FLI1: variants seen among roughly 807,000 people sequenced by gnomAD.
FLI1 encodes Fli-1 proto-oncogene, ETS transcription factor, also known as Friend leukemia integration 1 transcription factor.
FLI1 carries 13 observed loss-of-function variants against 53.1 expected under a neutral mutation model. The observed-to-expected ratio is 0.24, with a 90% CI of 0.16 to 0.39. The LOEUF (loss-of-function observed/expected upper bound fraction) is 0.39, where lower values mean the gene tolerates loss of function less well. FLI1 is among the 10% of genes least tolerant of loss of function. The probability of loss-of-function intolerance (pLI) is 1.00; values close to 1 mark genes in which losing one functional copy is unlikely to be tolerated. For synonymous variants in FLI1, 244 were observed against 236.7 expected, an observed-to-expected ratio of 1.03 and a Z score of -0.28; for missense variants, 424 against 600.5, an observed-to-expected ratio of 0.71 and a Z score of 3.07.
chr11:128,782,066 A>G, intron 5 of FLI1, 43 bp downstream of exon 5: 3 of 1,484,154 alleles, frequency 2.0e-6, no homozygotes, highest in Non-Finnish European at 2.8e-6. Context: ...CTTCTGTACC[A>G]GACATGACAC....
chr11:128,698,020 C>G (rs1292778492), intron 1 of FLI1, among the ~76,000 whole-genome samples: 1 of 87,618 alleles, frequency 1.1e-5, no homozygotes, highest in Non-Finnish European at 2.4e-5. Context: ...CAGAGGCACT[C>G]TCTCGTCATT....
intron 1 of FLI1, among the ~76,000 whole-genome samples, chr11:128,715,987 C>G (rs1938994185): frequency 6.6e-6 from 1 of 152,202 alleles, no homozygotes; most frequent in Non-Finnish European, 1.5e-5. Context: ...GGGAGAGCTG[C>G]CAAGCTGCCT....
At chr11:128,777,658 T>C (rs1941778109) in intron 4 of FLI1, among the ~76,000 whole-genome samples, 1 of 152,202 alleles carries the variant, frequency 6.6e-6, no homozygotes, top group Non-Finnish European at 1.5e-5. Context: ...AGGATTGTTG[T>C]TTAAAGATCC....
chr11:128,731,897 G>A lies in FLI1; in HGVS notation c.19-26218G>A, dbSNP rs186993057. Among the ~76,000 whole-genome samples the A allele has an allele frequency of 4.6e-3, 696 of 152,192 alleles. 13 individuals are homozygous for A. The highest frequency in any genetic ancestry group is 0.016 in the African/African-American group (655 of 41,512). ...ACACGCCTGTAATTCCAGCCACTTC[G>A]GAGGCTGAGGCAGGAGAATCACTTC... On this transcript the variant is annotated intron_variant, in intron 1 of 8. Transcript: ENST00000527786.
chr11:128,776,309 C>G (rs1375738727), intron 4 of FLI1, among the ~76,000 whole-genome samples: 1 of 151,980 alleles, frequency 6.6e-6, no homozygotes, highest in African/African-American at 2.4e-5. Flanking sequence ...ACAGGAAATG[C>G]AAGGAGGACT....
chr11:128,737,561 T>G (rs1455021016), intron 1 of FLI1, among the ~76,000 whole-genome samples: 1 of 152,250 alleles, frequency 6.6e-6, no homozygotes, highest in African/African-American at 2.4e-5. Flanking sequence ...CTTTAAAAAT[T>G]TATTTTAAAT....
chr11:128,712,193 G>GT (rs1938807629), intron 1 of FLI1, among the ~76,000 whole-genome samples: 1 of 152,166 alleles, frequency 6.6e-6, no homozygotes, highest in Admixed American at 6.5e-5. Flanking sequence ...AGATCTGGTT[G>GT]TTAAAAGAGT....
chr11:128,685,350 C>T (rs12293562), upstream of FLI1, among the ~76,000 whole-genome samples: 4 of 152,214 alleles, frequency 2.6e-5, no homozygotes, highest in African/African-American at 9.6e-5. Flanking sequence ...CTCCTGCGGG[C>T]TTAGCAGGAA....
intron 2 of FLI1, among the ~76,000 whole-genome samples, chr11:128,759,833 A>T (rs1320832648): frequency 6.6e-6 from 1 of 152,224 alleles, no homozygotes; most frequent in African/African-American, 2.4e-5. Flanking sequence ...TTTGGGCATC[A>T]TCTCTAAGGA....
At chr11:128,762,375 T>C (rs1409023291) in intron 2 of FLI1, among the ~76,000 whole-genome samples, 1 of 152,228 alleles carries the variant, frequency 6.6e-6, no homozygotes, top group Non-Finnish European at 1.5e-5. Context: ...GCTTGGCTCA[T>C]GGGCTAGACC....
At chr11:128,769,617 C>A (rs947046334) in intron 3 of FLI1, among the ~76,000 whole-genome samples, 2 of 152,096 alleles carry the variant, frequency 1.3e-5, no homozygotes, top group Non-Finnish European at 2.9e-5. Flanking sequence ...AGGCAGCAGA[C>A]GGGTGGGGCT....
At chr11:128,779,144 T>C (rs1941833905) in intron 4 of FLI1, among the ~76,000 whole-genome samples, 1 of 152,248 alleles carries the variant, frequency 6.6e-6, no homozygotes, top group Non-Finnish European at 1.5e-5. Flanking sequence ...GTGGAATTCA[T>C]GTGTGCCCAA....
At chr11:128,749,083 C>A (rs1940534242) in intron 1 of FLI1, among the ~76,000 whole-genome samples, 1 of 152,078 alleles carries the variant, frequency 6.6e-6, no homozygotes, top group South Asian at 2.1e-4. Flanking sequence ...GATCGATTCC[C>A]CCCTCACTGT....
intron 1 of FLI1, among the ~76,000 whole-genome samples, chr11:128,713,541 T>C (rs1210963711): frequency 6.6e-6 from 1 of 152,080 alleles, no homozygotes; most frequent in Non-Finnish European, 1.5e-5. Flanking sequence ...GAGCTGCTTC[T>C]ATGTGCCAGG....
Position 128,807,018 on chromosome 11 carries a change from A to G in FLI1, c.722-162A>G, listed in dbSNP as rs2071618. The G allele has an allele frequency of 0.11, 46,922 of 418,254 alleles. 2,785 individuals carry two copies. Among genetic ancestry groups the G allele is most frequent in the South Asian group, 0.14 (1,800 of 12,614 alleles). 25.9% of individuals were successfully genotyped at this position (418,254 alleles called of 1,614,324 possible). A position where few individuals can be genotyped will look rare whatever the true frequency, so the allele number is the denominator to read the frequency against. ...AATCTCCAGCCTGGAGAACAGGGCC[A>G]GCACATAGTAGATTCTAGGTAAATG... On this transcript the variant is annotated intron_variant, in intron 6 of 8. Coordinates refer to ENST00000527786, the MANE Select transcript of FLI1 (RefSeq NM_002017.5).
intron 8 of FLI1, 82 bp downstream of exon 8, chr11:128,809,286 C>G (rs1249988977): frequency 5.0e-6 from 6 of 1,188,664 alleles, no homozygotes; most frequent in Non-Finnish European, 7.6e-6. Context: ...TGTCCTAAGT[C>G]CAGACACCTG....
intron 2 of FLI1, among the ~76,000 whole-genome samples, chr11:128,761,380 T>C (rs1941115416): frequency 6.6e-6 from 1 of 152,240 alleles, no homozygotes; most frequent in Admixed American, 6.5e-5. Flanking sequence ...TCCTAGTTCT[T>C]ATCACCTCCC....
rs574583792 is a variant in FLI1 at position 128,802,892 on chromosome 11, A to G, written c.656-2474A>G. Among the ~76,000 whole-genome samples the G allele has an allele frequency of 2.0e-5, 3 of 152,364 alleles. No individual in the cohort carries two copies. In the South Asian group the frequency reaches 6.2e-4, roughly 32 times the overall value. ...GCATGCCTGCTCTGTCCCTGGAACT[A>G]GAATAAGAGAATAGGGAGAAAAGCC... On this transcript the variant is annotated intron_variant, in intron 5 of 8. Transcript: ENST00000527786.
At chr11:128,763,617 T>A (rs1357674954) in intron 2 of FLI1, among the ~76,000 whole-genome samples, 1 of 152,182 alleles carries the variant, frequency 6.6e-6, no homozygotes, top group Admixed American at 6.5e-5. Flanking sequence ...CCTGGACACC[T>A]AGGGACTCAC....
Sources: gnomAD v4.1 joint callset for allele counts (sites outside exome capture counted in the v4.1 genomes callset) on GRCh38, gnomAD v4.1.1 for gene constraint, MANE v1.5 for transcripts, NCBI Gene and HGNC (gene_info 2026-07-23, HGNC 2026-07-21) for gene names.